Variants in NEGR1 observed in about 807,000 individuals in gnomAD.
NEGR1 encodes the protein IgLON family member 4.
In NEGR1, 10 loss-of-function variants were observed where a neutral mutation model predicts 40.9. That is an observed-to-expected ratio of 0.24 (90% CI 0.15 to 0.42). The LOEUF (loss-of-function observed/expected upper bound fraction) is 0.42, where lower values mean the gene tolerates loss of function less well. Among genes scored for constraint, NEGR1 ranks in the 10% least tolerant of loss-of-function variants. NEGR1 has a pLI of 1.00. For synonymous variants in NEGR1, 185 were observed against 166.8 expected (o/e 1.11, Z -0.84); for missense variants, 352 against 438.9 (o/e 0.80, Z 1.77).
intron 2 of NEGR1, among the ~76,000 whole-genome samples, chr1:71,879,545 T>A (rs1433130677): frequency 6.6e-6 from 1 of 152,152 alleles, no homozygotes; most frequent in African/African-American, 2.4e-5. Context: ...GGAAAGCAGA[T>A]TAAATATGTG....
intron 3 of NEGR1, among the ~76,000 whole-genome samples, chr1:71,727,539 C>T (rs1346320988): frequency 2.6e-5 from 4 of 152,068 alleles, no homozygotes; most frequent in African/African-American, 7.2e-5. Flanking sequence ...AAGGAGATTG[C>T]AGACTGACTT....
chr1:71,806,801 T>C (rs113764951), intron 2 of NEGR1, among the ~76,000 whole-genome samples: 14 of 152,034 alleles, frequency 9.2e-5, no homozygotes, highest in African/African-American at 3.4e-4. Context: ...TGAAATGAAA[T>C]TGTCTTTTGG....
chr1:71,933,862 A>C (rs1300503874), intron 2 of NEGR1, among the ~76,000 whole-genome samples: 1 of 152,098 alleles, frequency 6.6e-6, no homozygotes, highest in African/African-American at 2.4e-5. Flanking sequence ...ACAAAGTTAA[A>C]ATATTTACTG....
chr1:71,572,411 C>A (rs1196332276), intron 6 of NEGR1, among the ~76,000 whole-genome samples: 1 of 152,164 alleles, frequency 6.6e-6, no homozygotes, highest in East Asian at 1.9e-4. Flanking sequence ...CTAAAGTGAG[C>A]ACAAACTCTT....
chr1:71,838,914 A>C (rs1659137016), intron 2 of NEGR1, among the ~76,000 whole-genome samples: 1 of 152,124 alleles, frequency 6.6e-6, no homozygotes, highest in Admixed American at 6.5e-5. Flanking sequence ...TTGAATAGTT[A>C]ATATAAAGTT....
Position 71,848,914 on chromosome 1 carries a change from C to A in NEGR1, c.410-72617G>T, listed in dbSNP as rs562590860. ...AGACCAGCCTGACCAACATGGTGAACCCCCATCTCTAATAAAAATACAAAA... is the reference window on the plus strand; with the variant it reads ...AGACCAGCCTGACCAACATGGTGAAACCCCATCTCTAATAAAAATACAAAA... On this transcript the variant is annotated intron_variant, in intron 2 of 6. Transcript: ENST00000357731. Among the ~76,000 whole-genome samples the A allele has an allele frequency of 1.3e-4, 20 of 151,938 alleles. No homozygotes were observed. The East Asian group carries it at 3.9e-3, about 30-fold the overall frequency.
At chr1:71,445,585 TA>T (rs901890570) in intron 6 of NEGR1, among the ~76,000 whole-genome samples, 3 of 152,150 alleles carry the variant, frequency 2.0e-5, no homozygotes, top group African/African-American at 7.2e-5. Context: ...CTCCTAACTC[TA>T]ATAAAATTCT....
intron 3 of NEGR1, among the ~76,000 whole-genome samples, chr1:71,775,300 C>A (rs543052677): frequency 1.3e-5 from 2 of 151,622 alleles, no homozygotes; most frequent in Admixed American, 1.3e-4. Flanking sequence ...TAAGAATCAA[C>A]AGACATAGGT....
At chr1:71,607,781 C>T (rs1434864698) in intron 5 of NEGR1, among the ~76,000 whole-genome samples, 1 of 152,100 alleles carries the variant, frequency 6.6e-6, no homozygotes, top group Non-Finnish European at 1.5e-5. Context: ...GTAATCTCCG[C>T]CTCCTGGGTT....
intron 2 of NEGR1, among the ~76,000 whole-genome samples, chr1:71,853,243 A>C (rs918411103): frequency 2.6e-5 from 4 of 152,096 alleles, no homozygotes; most frequent in Admixed American, 2.0e-4. Flanking sequence ...GAATGTTGGT[A>C]TATTTTTACA....
chr1:71,939,836 C>T (rs980434766), intron 1 of NEGR1, among the ~76,000 whole-genome samples: 4 of 152,134 alleles, frequency 2.6e-5, no homozygotes, highest in Non-Finnish European at 5.9e-5. Context: ...AGGAGGTTTG[C>T]TAGGCATTTT....
At chr1:72,071,684 G>A (rs1285223933) in intron 1 of NEGR1, among the ~76,000 whole-genome samples, 1 of 152,060 alleles carries the variant, frequency 6.6e-6, no homozygotes, top group African/African-American at 2.4e-5. Context: ...TTTGCACTAT[G>A]TTTGATAAGT....
At chr1:71,866,688 C>A (rs945075799) in intron 2 of NEGR1, among the ~76,000 whole-genome samples, 4 of 152,142 alleles carry the variant, frequency 2.6e-5, no homozygotes, top group Non-Finnish European at 5.9e-5. Flanking sequence ...GACAGGGTAA[C>A]TTTTATGTTT....
chr1:71,993,263 T>G (rs558626939), intron 1 of NEGR1, among the ~76,000 whole-genome samples: 1 of 152,186 alleles, frequency 6.6e-6, no homozygotes, highest in Admixed American at 6.5e-5. Context: ...TCTTTGAATA[T>G]CTAAAAGAAC....
intron 1 of NEGR1, among the ~76,000 whole-genome samples, chr1:72,235,112 T>C (rs1024686030): frequency 7.2e-5 from 11 of 152,114 alleles, no homozygotes; most frequent in African/African-American, 2.7e-4. Flanking sequence ...GTGAGTTTCC[T>C]CTTGGCCTAA....
At chr1:71,499,994 C>G (rs1358649405) in intron 6 of NEGR1, among the ~76,000 whole-genome samples, 1 of 151,936 alleles carries the variant, frequency 6.6e-6, no homozygotes, top group Non-Finnish European at 1.5e-5. Context: ...AATTAAAATT[C>G]AATTTTAGAA....
At chr1:71,991,596 A>G (rs1364388723) in intron 1 of NEGR1, among the ~76,000 whole-genome samples, 2 of 152,250 alleles carry the variant, frequency 1.3e-5, no homozygotes, top group East Asian at 3.9e-4. Flanking sequence ...GCACTCTCAT[A>G]CAACTTATAA....
intron 1 of NEGR1, among the ~76,000 whole-genome samples, chr1:72,199,718 A>AT (rs1183559917): frequency 6.6e-6 from 1 of 151,974 alleles, no homozygotes. Flanking sequence ...GACCTACTGC[A>AT]TTTTTTACTA....
intron 1 of NEGR1, among the ~76,000 whole-genome samples, chr1:72,191,543 T>C (rs1312021427): frequency 6.6e-6 from 1 of 151,852 alleles, no homozygotes; most frequent in Non-Finnish European, 1.5e-5. Flanking sequence ...ATATGTTTCT[T>C]ATGATAATAA....
Sources: gnomAD v4.1 joint callset for allele counts (sites outside exome capture counted in the v4.1 genomes callset) on GRCh38, gnomAD v4.1.1 for gene constraint, MANE v1.5 for transcripts, NCBI Gene and HGNC (gene_info 2026-07-23, HGNC 2026-07-21) for gene names.